The following ADGRB3 variants were observed in gnomAD, a reference collection of about 807,000 sequenced individuals.
ADGRB3 encodes the protein adhesion G protein-coupled receptor B3, also known as brain-specific angiogenesis inhibitor 3.
ADGRB3 carries 37 observed loss-of-function variants against 193.4 expected under a neutral mutation model. The ratio of observed to expected loss-of-function variants is 0.19; its 90% confidence interval spans 0.15 to 0.25. The LOEUF (loss-of-function observed/expected upper bound fraction) is 0.25, where lower values mean the gene tolerates loss of function less well. ADGRB3 is among the 10% of genes least tolerant of loss of function. ADGRB3 has a pLI of 1.00. For synonymous variants in ADGRB3, 690 were observed against 644.2 expected (o/e 1.07, Z -1.08); for missense variants, 1,637 against 1,852.9 (o/e 0.88, Z 2.14).
At chr6:69,042,428 A>G (rs753162272) in intron 13 of ADGRB3, among the ~76,000 whole-genome samples, 3 of 152,230 alleles carry the variant, frequency 2.0e-5, no homozygotes, top group South Asian at 2.1e-4. Flanking sequence ...CAAGCGTTCA[A>G]TAGATGTTAG....
At chr6:69,029,195 A>G (rs977010375) in intron 13 of ADGRB3, among the ~76,000 whole-genome samples, 8 of 152,114 alleles carry the variant, frequency 5.3e-5, no homozygotes, top group Non-Finnish European at 8.8e-5. Flanking sequence ...CATCTGTTCT[A>G]TATTTCTACA....
chr6:69,217,389 G>GA (rs890641470), intron 17 of ADGRB3, among the ~76,000 whole-genome samples: 9 of 151,750 alleles, frequency 5.9e-5, no homozygotes, highest in African/African-American at 1.5e-4. Context: ...TTGTATGGGA[G>GA]AAAAAAAAGA....
intron 13 of ADGRB3, among the ~76,000 whole-genome samples, chr6:69,041,495 G>A (rs1420305520): frequency 6.6e-6 from 1 of 152,040 alleles, no homozygotes; most frequent in African/African-American, 2.4e-5. Flanking sequence ...AAATAAATTT[G>A]CTGTCAATTT....
chr6:68,884,468 G>A (rs774930657), intron 3 of ADGRB3, among the ~76,000 whole-genome samples: 3 of 152,098 alleles, frequency 2.0e-5, no homozygotes, highest in African/African-American at 7.2e-5. Context: ...TGAAACCCGG[G>A]GAGTGAGAAA....
chr6:68,672,348 T>C (rs539350604), intron 3 of ADGRB3, among the ~76,000 whole-genome samples: 3 of 152,078 alleles, frequency 2.0e-5, no homozygotes, highest in Admixed American at 6.6e-5. Flanking sequence ...TTTTAATGCA[T>C]CACTAACCGG....
At chr6:69,108,606 G>A (rs1397129952) in intron 17 of ADGRB3, among the ~76,000 whole-genome samples, 1 of 152,044 alleles carries the variant, frequency 6.6e-6, no homozygotes, top group African/African-American at 2.4e-5. Context: ...AGGATGGTTA[G>A]GAACAAGGTG....
At chr6:68,801,778 A>G (rs1767316392) in intron 3 of ADGRB3, among the ~76,000 whole-genome samples, 1 of 152,196 alleles carries the variant, frequency 6.6e-6, no homozygotes, top group African/African-American at 2.4e-5. Context: ...TCCTTATTAA[A>G]CAAATGGAAA....
intron 3 of ADGRB3, among the ~76,000 whole-genome samples, chr6:68,777,170 C>T (rs888647676): frequency 3.3e-5 from 5 of 152,002 alleles, no homozygotes; most frequent in Non-Finnish European, 7.4e-5. Flanking sequence ...AATATAGAAC[C>T]CCGCACTGTA....
chr6:68,938,161 A>G (rs1215703911), intron 5 of ADGRB3, among the ~76,000 whole-genome samples: 1 of 152,114 alleles, frequency 6.6e-6, no homozygotes, highest in Non-Finnish European at 1.5e-5. Context: ...AGAACAAGAA[A>G]AATCAGTGAG....
intron 20 of ADGRB3, among the ~76,000 whole-genome samples, chr6:69,293,733 G>A (rs1767744669): frequency 6.6e-6 from 1 of 152,100 alleles, no homozygotes; most frequent in Admixed American, 6.5e-5. Context: ...TGCTGATAAA[G>A]TGACGATAGA....
intron 11 of ADGRB3, among the ~76,000 whole-genome samples, chr6:68,995,404 G>A (rs1456062938): frequency 6.6e-6 from 1 of 152,076 alleles, no homozygotes. Flanking sequence ...AAAGTGTAGG[G>A]CTTCAAAATT....
In ADGRB3 at chr6:68,935,302, A is replaced by G. The variant is rs142593752; in HGVS notation, c.869-1217A>G. 2.7e-3 allele frequency among the ~76,000 whole-genome samples: 411 copies of G among 152,284 alleles called. 2 individuals are homozygous for G. Among genetic ancestry groups the G allele is most frequent in the African/African-American group, 9.4e-3 (391 of 41,544 alleles). On this transcript the variant is annotated intron_variant, in intron 4 of 31. Transcript: ENST00000370598. ...TGTGTGTTGAATTACATTCTGGCCC[A>G]AACTCCTTCTTCCCTAGAGCACTAG...
chr6:68,793,309 A>C (rs146811966), intron 3 of ADGRB3, among the ~76,000 whole-genome samples: 80 of 152,146 alleles, frequency 5.3e-4, no homozygotes, highest in African/African-American at 1.7e-3. Flanking sequence ...AACAGATCAC[A>C]CATTTTGTCC....
At chr6:68,794,562 C>T (rs1767170486) in intron 3 of ADGRB3, among the ~76,000 whole-genome samples, 1 of 152,020 alleles carries the variant, frequency 6.6e-6, no homozygotes, top group South Asian at 2.1e-4. Context: ...TTCACAACAA[C>T]CCTTTGAAGT....
intron 3 of ADGRB3, among the ~76,000 whole-genome samples, chr6:68,836,594 G>A (rs1390794100): frequency 1.3e-5 from 2 of 152,144 alleles, no homozygotes; most frequent in African/African-American, 4.8e-5. Context: ...CTGCAAGTAT[G>A]GATAGATGTT....
intron 3 of ADGRB3, among the ~76,000 whole-genome samples, chr6:68,661,360 TGTGTATATATATGTGTATAC>T (rs1768630880): frequency 3.7e-5 from 4 of 108,666 alleles, no homozygotes; most frequent in African/African-American, 1.9e-4. Context: ...TGTGTGTGTG[TGTGTATATATATGTGTATAC>T]ATATATATAT....
At chr6:68,873,136 A>G (rs1389983342) in intron 3 of ADGRB3, among the ~76,000 whole-genome samples, 2 of 152,156 alleles carry the variant, frequency 1.3e-5, no homozygotes, top group East Asian at 3.8e-4. Context: ...TGAAACCCAA[A>G]ACTGAGATAG....
At chr6:68,652,663 G>A (rs540236058) in intron 3 of ADGRB3, among the ~76,000 whole-genome samples, 1 of 152,146 alleles carries the variant, frequency 6.6e-6, no homozygotes, top group African/African-American at 2.4e-5. Flanking sequence ...ATATTCAGAA[G>A]GCTTAATTTT....
intron 13 of ADGRB3, among the ~76,000 whole-genome samples, chr6:69,035,709 G>A (rs1040070341): frequency 6.6e-6 from 1 of 152,182 alleles, no homozygotes. Context: ...ATAGTGAGTT[G>A]TTTTAATTTA....
Sources: allele counts gnomAD v4.1 joint callset (sites outside exome capture counted in the v4.1 genomes callset), GRCh38; gene constraint gnomAD v4.1.1; transcripts MANE v1.5; gene names NCBI Gene and HGNC (gene_info 2026-07-23, HGNC 2026-07-21).